ELF5: variants seen among roughly 807,000 people sequenced by gnomAD.
The protein encoded by ELF5 is E74 like ETS transcription factor 5.
In ELF5, 31 loss-of-function variants were observed where a neutral mutation model predicts 38.2. The ratio of observed to expected loss-of-function variants is 0.81; its 90% CI spans 0.61 to 1.10. The LOEUF (loss-of-function observed/expected upper bound fraction) is 1.10, where lower values mean the gene tolerates loss of function less well. Ranked by LOEUF, ELF5 falls within the 50% of genes least tolerant of loss-of-function variation. The probability of loss-of-function intolerance (pLI) is 0.00; values close to 1 mark genes in which losing one functional copy is unlikely to be tolerated. For missense variants in ELF5, 300 were observed against 306.6 expected (o/e 0.98, Z 0.16); for synonymous variants, 121 against 112.5 (o/e 1.08, Z -0.48).
chr11:34,503,699 G>C (rs1850533813), intron 2 of ELF5, among the ~76,000 whole-genome samples: 1 of 152,188 alleles, frequency 6.6e-6, no homozygotes, highest in Non-Finnish European at 1.5e-5. Context: ...TGATAATCCT[G>C]CCTCGGCCTT....
At chr11:34,497,015 G>A (rs774388901) in intron 2 of ELF5, among the ~76,000 whole-genome samples, 3 of 152,152 alleles carry the variant, frequency 2.0e-5, no homozygotes, top group African/African-American at 4.8e-5. Flanking sequence ...TAATGGATAA[G>A]CAGAGCCTGA....
At chr11:34,510,253 C>A (rs1454793005) in intron 1 of ELF5, among the ~76,000 whole-genome samples, 4 of 150,730 alleles carry the variant, frequency 2.7e-5, no homozygotes, top group Admixed American at 2.6e-4. Flanking sequence ...TGCTATTTTT[C>A]TTCTGTAATT....
At chr11:34,511,905 AT>A (rs1489526870) in intron 1 of ELF5, 1 of 330,836 alleles carries the variant, frequency 3.0e-6, no homozygotes, top group African/African-American at 2.1e-5. Context: ...GCATCTACAC[AT>A]TGGCTGTTTA....
At chr11:34,483,368 G>C (rs1028191588) in intron 4 of ELF5, among the ~76,000 whole-genome samples, 13 of 151,936 alleles carry the variant, frequency 8.6e-5, no homozygotes, top group African/African-American at 3.1e-4. Flanking sequence ...GTGCACACGA[G>C]GGGGCAGGGA....
chr11:34,498,304 T>C (rs1282264895), intron 2 of ELF5, among the ~76,000 whole-genome samples: 1 of 152,252 alleles, frequency 6.6e-6, no homozygotes, highest in African/African-American at 2.4e-5. Context: ...GGTTACCTCC[T>C]GGGCTTCCCG....
At chr11:34,486,421 C>T (rs905919386) in intron 4 of ELF5, among the ~76,000 whole-genome samples, 1 of 152,170 alleles carries the variant, frequency 6.6e-6, no homozygotes, top group Admixed American at 6.5e-5. Flanking sequence ...TGGGCACCTT[C>T]AGTGGGCACT....
At chr11:34,485,303 C>T (rs76136828) in intron 4 of ELF5, among the ~76,000 whole-genome samples, 1 of 152,156 alleles carries the variant, frequency 6.6e-6, no homozygotes, top group African/African-American at 2.4e-5. Context: ...ATTTAATGAA[C>T]CATTATTAGC....
intron 4 of ELF5, among the ~76,000 whole-genome samples, chr11:34,484,331 TCTA>T (rs1317934347): frequency 3.3e-5 from 5 of 151,828 alleles, no homozygotes; most frequent in African/African-American, 9.7e-5. Flanking sequence ...TATATTGTAT[TCTA>T]CTGTACATAC....
In ELF5 at chr11:34,513,391, C is replaced by T. The variant is rs748431664; in HGVS notation, c.-5+286G>A. 5.7e-4 allele frequency among the ~76,000 whole-genome samples: 87 copies of T among 152,244 alleles called. 1 individual carries two copies. Among genetic ancestry groups the T allele is most frequent in the Admixed American group, 8.5e-4 (13 of 15,286 alleles). Reference sequence around the variant, plus strand: ...GCTTTAGGGAGGATAGAGAACTGAGCGCCTGGGCGCGTTCTCTTAATTCCC... The same window carrying T: ...GCTTTAGGGAGGATAGAGAACTGAGTGCCTGGGCGCGTTCTCTTAATTCCC... On this transcript the variant is annotated intron_variant, in intron 1 of 6. Coordinates refer to ENST00000257832, the MANE Select transcript of ELF5 (RefSeq NM_001422.4).
intron 2 of ELF5, among the ~76,000 whole-genome samples, chr11:34,502,133 G>A (rs887538318): frequency 6.6e-6 from 1 of 152,176 alleles, no homozygotes. Flanking sequence ...TAAACACTTC[G>A]TACACAAAAT....
chr11:34,499,552 A>G (rs1850404482), intron 2 of ELF5, among the ~76,000 whole-genome samples: 1 of 152,200 alleles, frequency 6.6e-6, no homozygotes, highest in Non-Finnish European at 1.5e-5. Flanking sequence ...CCTGATTTTT[A>G]TATTACAACA....
intron 1 of ELF5, among the ~76,000 whole-genome samples, chr11:34,513,258 G>A (rs552184140): frequency 1.2e-4 from 19 of 152,320 alleles, no homozygotes; most frequent in Non-Finnish European, 2.1e-4. Context: ...GGGGACAGTG[G>A]GCAGGCCGGT....
At chr11:34,510,929 C>G (rs1850738001) in intron 1 of ELF5, among the ~76,000 whole-genome samples, 1 of 152,160 alleles carries the variant, frequency 6.6e-6, no homozygotes, top group South Asian at 2.1e-4. Context: ...TCTGGACATA[C>G]TTTTCATTTT....
chr11:34,489,879 C>A, intron 4 of ELF5, 130 bp downstream of exon 4: 1 of 1,108,964 alleles, frequency 9.0e-7, no homozygotes, highest in Non-Finnish European at 1.4e-6. Context: ...CGCTTTTCCC[C>A]ACTGCTTTCT....
intron 4 of ELF5, among the ~76,000 whole-genome samples, chr11:34,483,112 A>G (rs3781708): frequency 0.9 from 136,677 of 151,716 alleles, 61,736 homozygotes; most frequent in Middle Eastern, 0.97. Context: ...CAGGCTCTCC[A>G]GAAACGTGCA....
chr11:34,495,439 C>T (rs1356305215), intron 2 of ELF5, among the ~76,000 whole-genome samples: 2 of 152,226 alleles, frequency 1.3e-5, no homozygotes, highest in East Asian at 1.9e-4. Flanking sequence ...CTCAGCCAGC[C>T]GAGGCGCTAC....
At chr11:34,489,975 C>A (rs777968155) in intron 4 of ELF5, 34 bp downstream of exon 4, 2 of 1,612,864 alleles carry the variant, frequency 1.2e-6, no homozygotes, top group African/African-American at 2.7e-5. Flanking sequence ...ACAACCTTGA[C>A]AGAGCCTTGG....
intron 1 of ELF5, among the ~76,000 whole-genome samples, chr11:34,508,460 G>C (rs1850666073): frequency 1.3e-5 from 2 of 151,776 alleles, no homozygotes; most frequent in African/African-American, 2.4e-5. Flanking sequence ...CCGAGATTGT[G>C]CCACTGCACT....
At chr11:34,505,823 C>G in intron 1 of ELF5, 70 bp from the exon 2 acceptor site, 1 of 1,514,906 alleles carries the variant, frequency 6.6e-7, no homozygotes, top group African/African-American at 1.4e-5. Context: ...TGCAGGAGCC[C>G]CTAGCAGGGC....
Sources: allele counts gnomAD v4.1 joint callset (sites outside exome capture counted in the v4.1 genomes callset), GRCh38; gene constraint gnomAD v4.1.1; transcripts MANE v1.5; gene names NCBI Gene and HGNC (gene_info 2026-07-23, HGNC 2026-07-21).